SBNO2: variants seen among roughly 807,000 people sequenced by gnomAD.
SBNO2 encodes the protein protein strawberry notch homolog 2.
In SBNO2, 89 loss-of-function variants were observed where a neutral mutation model predicts 146.3. That is an observed-to-expected ratio of 0.61 (90% CI 0.51 to 0.73). The LOEUF (loss-of-function observed/expected upper bound fraction) is 0.73. Ranked by LOEUF, SBNO2 falls within the 30% of genes least tolerant of loss-of-function variation. The probability of loss-of-function intolerance (pLI) is 0.00; values close to 1 mark genes in which losing one functional copy is unlikely to be tolerated. For synonymous variants in SBNO2, 1,147 were observed against 892.6 expected, an observed-to-expected ratio of 1.29 and a Z score of -5.08; for missense variants, 2,092 against 2,003.7, an observed-to-expected ratio of 1.04 and a Z score of -0.84.
intron 4 of SBNO2, among the ~76,000 whole-genome samples, chr19:1,134,405 C>T (rs552906822): frequency 5.3e-5 from 8 of 152,344 alleles, no homozygotes; most frequent in African/African-American, 1.4e-4. Context: ...GCAGTCACCA[C>T]GGAGGAACAG....
chr19:1,116,568 A>G (rs1026181093), intron 16 of SBNO2, among the ~76,000 whole-genome samples: 2 of 152,144 alleles, frequency 1.3e-5, no homozygotes, highest in Non-Finnish European at 2.9e-5. Context: ...GCACAGATGC[A>G]GGAAGCCTCC....
At position 1,140,722 on chromosome 19, in the gene SBNO2, G is replaced by A. The variant is rs936743542; in HGVS notation, c.279+6587C>T. Among the ~76,000 whole-genome samples, 2 of 152,194 alleles carry A rather than the reference G, an allele frequency of 1.3e-5. No individual in the cohort carries two copies. Among genetic ancestry groups the A allele is most frequent in the African/African-American group, 2.4e-5 (1 of 41,440 alleles). On this transcript the variant is annotated intron_variant, in intron 4 of 31. Transcript: ENST00000361757. This position sits in a 1 kb window ranked among gnomAD's most constrained non-coding sequence, Gnocchi z 4.4. ...ACAGACGGACGCAGCAGGGATGCCC[G>A]CAGGCAGCTCCCACGGGCAGAGGCT...
Position 1,157,388 on chromosome 19 carries a change from C to T in SBNO2, c.-126-2986G>A, listed in dbSNP as rs1001415740. 2.0e-5 allele frequency among the ~76,000 whole-genome samples: 3 copies of T among 151,802 alleles called. No homozygotes were observed. Among genetic ancestry groups the T allele is most frequent in the African/African-American group, 4.8e-5 (2 of 41,346 alleles). On this transcript the variant is annotated intron_variant, in intron 1 of 31. Transcript: ENST00000361757. The surrounding 1 kb of genome is among the most constrained non-coding windows in gnomAD (Gnocchi z 6.8). ...CCGGAGACCCTCTGCCACGCAGCCC[C>T]GGAGACGCTCTCCCCACGCGGCCCC...
chr19:1,132,736 C>T (rs1425926987), intron 4 of SBNO2, among the ~76,000 whole-genome samples: 1 of 152,156 alleles, frequency 6.6e-6, no homozygotes, highest in African/African-American at 2.4e-5. Context: ...AAGCAAAGTC[C>T]CCTCCCTGCT....
Position 1,108,416 on chromosome 19 carries a change from G to C in SBNO2, c.3905C>G (p.Ala1302Gly). The C allele has an allele frequency of 7.9e-7, 1 of 1,270,492 alleles. No individual in the cohort carries two copies. The highest frequency in any genetic ancestry group is 1.9e-5 in the South Asian group (1 of 51,868). 78.7% of individuals were successfully genotyped at this position (1,270,492 alleles called of 1,614,324 possible). A position where few individuals can be genotyped will look rare whatever the true frequency, so the allele number is the denominator to read the frequency against. Residue 1302 changes from alanine to glycine, a missense_variant, in exon 32 of 32, where the codon GCC becomes GGC. Transcript: ENST00000361757. Reference sequence around the variant, plus strand: ...GATGTCGCAGCCCTGGTGCGCGAGGGCCGCAGGGTCGGCCTGGGCGTCGGG... The same window carrying C: ...GATGTCGCAGCCCTGGTGCGCGAGGCCCGCAGGGTCGGCCTGGGCGTCGGG... ...GTPDAQADPA[A>G]LAHQGCDINF... is the part of the protein sequence containing the mutation.
chr19:1,159,371 G>A (rs929971470), intron 1 of SBNO2, among the ~76,000 whole-genome samples: 6 of 150,046 alleles, frequency 4.0e-5, no homozygotes, highest in Non-Finnish European at 8.9e-5. Context: ...TCAACATGGA[G>A]CCCGGGGCAA....
intron 1 of SBNO2, among the ~76,000 whole-genome samples, chr19:1,170,695 T>C (rs2080468882): frequency 6.6e-6 from 1 of 151,258 alleles, no homozygotes; most frequent in Non-Finnish European, 1.5e-5. Context: ...GCACAAGACA[T>C]GCACAAGCAG....
At chr19:1,148,097 G>A (rs371735597) in intron 3 of SBNO2, among the ~76,000 whole-genome samples, 6 of 151,912 alleles carry the variant, frequency 3.9e-5, no homozygotes, top group African/African-American at 9.7e-5. Flanking sequence ...CTTCCCTCCC[G>A]CCAGGCTCCC....
rs566783788 is a variant in SBNO2, at chr19:1,136,034, G to A, written c.280-8269C>T. 2.9e-3 allele frequency among the ~76,000 whole-genome samples: 446 copies of A among 152,036 alleles called. 4 individuals carry two copies. Among genetic ancestry groups the A allele is most frequent in the African/African-American group, 9.9e-3 (409 of 41,488 alleles). Reference sequence around the variant, plus strand: ...GTGAGTGGTTAAAAAAAAAAAGGCCGCACTGGCCGAGCGGGTGTTCTGTGC... The same window carrying A: ...GTGAGTGGTTAAAAAAAAAAAGGCCACACTGGCCGAGCGGGTGTTCTGTGC... On this transcript the variant is annotated intron_variant, in intron 4 of 31. Transcript: ENST00000361757. This position sits in a 1 kb window ranked among gnomAD's most constrained non-coding sequence, Gnocchi z 4.2.
intron 4 of SBNO2, chr19:1,132,274 C>A: frequency 7.6e-7 from 1 of 1,312,138 alleles, no homozygotes; most frequent in South Asian, 2.0e-5. Context: ...ATTTGCATGT[C>A]GGTTTAGTCA....
intron 1 of SBNO2, among the ~76,000 whole-genome samples, chr19:1,162,728 C>T (rs2080361309): frequency 6.6e-6 from 1 of 152,212 alleles, no homozygotes; most frequent in Non-Finnish European, 1.5e-5. Context: ...GCTGGTCTAG[C>T]CCCTCATCTG....
Position 1,110,920 on chromosome 19 carries a change from C to G in SBNO2, c.2885-32G>C, listed in dbSNP as rs373566819. ...GGGGAGGGAGCCAAGCCTCAGGCTG[C>G]GCTGGGAATCCCTCTCCCTGCTTTG... On this transcript the variant is annotated intron_variant, in intron 25 of 31. Coordinates refer to ENST00000361757, the MANE Select transcript of SBNO2 (RefSeq NM_014963.3). This position sits in a 1 kb window ranked among gnomAD's most constrained non-coding sequence, Gnocchi z 4.9. 4.1e-5 allele frequency: 66 copies of G among 1,611,348 alleles called. No homozygotes were observed. The highest frequency in any genetic ancestry group is 5.3e-5 in the Non-Finnish European group (62 of 1,178,076).
At chr19:1,162,905 AG>A (rs1274893025) in intron 1 of SBNO2, among the ~76,000 whole-genome samples, 1 of 152,120 alleles carries the variant, frequency 6.6e-6, no homozygotes, top group African/African-American at 2.4e-5. Context: ...GGCAGAGGGG[AG>A]GGGACGTTGG....
intron 11 of SBNO2, among the ~76,000 whole-genome samples, chr19:1,120,296 A>G (rs866411022): frequency 2.0e-5 from 3 of 152,190 alleles, no homozygotes; most frequent in Admixed American, 1.3e-4. Context: ...TCCGGCGAGG[A>G]AGGGTGGGAT....
chr19:1,154,178 G>T lies in SBNO2; in HGVS notation c.93+6C>A. On this transcript the variant is annotated splice_donor_region_variant and intron_variant, in intron 2 of 31. Transcript: ENST00000361757. ...CGGGTGGGCCGGGGCCGGGGGTGGG[G>T]CTCACCTGCAGGGGCGGCGGGCTGT... 1 of 1,193,872 alleles carries T rather than the reference G, an allele frequency of 8.4e-7. No individual in the cohort carries two copies. The highest frequency in any genetic ancestry group is 1.1e-6 in the Non-Finnish European group (1 of 950,884). 74.0% of individuals were successfully genotyped at this position (1,193,872 alleles called of 1,614,324 possible).
At chr19:1,163,676 G>A (rs1470202763) in intron 1 of SBNO2, among the ~76,000 whole-genome samples, 1 of 152,244 alleles carries the variant, frequency 6.6e-6, no homozygotes, top group East Asian at 1.9e-4. Context: ...CTTGGACCCT[G>A]CCACGCGCAG....
Position 1,123,541 on chromosome 19 carries a change from C to A in SBNO2, c.621G>T (p.Pro207=), listed in dbSNP as rs10427097. ...TGCAGCCGGGCCACTCACACTTGGA[C>A]GGCACGTAGTCGGCGTAGGTCTCTG... The part of the protein sequence containing the change: ...GHTETYADYV[P]SKSKIGKQHP... Residue 207 remains proline, a synonymous_variant, in exon 7 of 32, where the codon CCG becomes CCT. Coordinates refer to ENST00000361757, the MANE Select transcript of SBNO2 (RefSeq NM_014963.3). The A allele has an allele frequency of 1.6e-5, 26 of 1,613,056 alleles. No homozygotes were observed. Among genetic ancestry groups the A allele is most frequent in the Non-Finnish European group, 2.2e-5 (26 of 1,179,500 alleles).
In SBNO2 at chr19:1,149,392, G is replaced by A. The variant is rs912246065; in HGVS notation, c.144C>T (p.Tyr48=). Residue 48 remains tyrosine (Y), a synonymous_variant, in exon 3 of 32, where the codon TAC becomes TAT. Coordinates refer to ENST00000361757, the MANE Select transcript of SBNO2 (RefSeq NM_014963.3). ...ACCGGCTGTCGCTGGAGAAGGCAGG[G>A]TATGGCGGCAGCGAGAAGGTGTTCC... ...PYWNTFSLPP[Y]PAFSSDSRPF... The A allele has an allele frequency of 1.2e-5, 18 of 1,552,520 alleles. No individual in the cohort carries two copies. The Admixed American group carries it at 3.1e-4, about 27-fold the overall frequency.
chr19:1,166,129 A>G (rs1387854437), intron 1 of SBNO2, among the ~76,000 whole-genome samples: 3 of 90,090 alleles, frequency 3.3e-5, no homozygotes, highest in African/African-American at 1.3e-4. Flanking sequence ...CAGATCCCAG[A>G]CTTCAGATCC....
Sources: allele counts gnomAD v4.1 joint callset (sites outside exome capture counted in the v4.1 genomes callset), GRCh38; gene constraint gnomAD v4.1.1; non-coding constraint Gnocchi (gnomAD v3.1); transcripts MANE v1.5; gene names NCBI Gene and HGNC (gene_info 2026-07-23, HGNC 2026-07-21).